Variants in GDPD4 observed in about 807,000 individuals in gnomAD.
GDPD4 encodes the protein glycerophosphodiester phosphodiesterase domain containing 4.
GDPD4 carries 60 observed loss-of-function variants against 67.8 expected under a neutral mutation model. The observed-to-expected ratio is 0.88, with a 90% CI of 0.72 to 1.10. The LOEUF is 1.10. Among genes scored for constraint, GDPD4 ranks in the 50% least tolerant of loss-of-function variants. The pLI is 0.00. For missense variants in GDPD4, 623 were observed against 613.9 expected, an observed-to-expected ratio of 1.01 and a Z score of -0.16; for synonymous variants, 212 against 210.9, an observed-to-expected ratio of 1.00 and a Z score of -0.04.
chr11:77,233,916 C>T (rs1369077750), intron 13 of GDPD4, among the ~76,000 whole-genome samples: 1 of 152,134 alleles, frequency 6.6e-6, no homozygotes, highest in Non-Finnish European at 1.5e-5. Flanking sequence ...TCCCATGGCA[C>T]TAAATGTCAG....
intron 11 of GDPD4, among the ~76,000 whole-genome samples, chr11:77,255,340 G>A (rs917130699): frequency 3.3e-5 from 5 of 152,286 alleles, no homozygotes; most frequent in Admixed American, 2.0e-4. Context: ...GCTGAGGCAG[G>A]TGGATCACCT....
rs1021003125 is a variant in GDPD4 at position 77,276,310 on chromosome 11, C to A, written c.148-90G>T. Reference sequence around the variant, plus strand: ...TTCCTATAGCTCCAAATTCCGTTCACAGTCTAGCAGTACACTCATTTCTTG... The same window carrying A: ...TTCCTATAGCTCCAAATTCCGTTCAAAGTCTAGCAGTACACTCATTTCTTG... On this transcript the variant is annotated intron_variant, in intron 4 of 16. Transcript: ENST00000315938. 7.8e-5 allele frequency: 71 copies of A among 911,378 alleles called. No homozygotes were observed. The African/African-American group carries it at 9.4e-4, about 12-fold the overall frequency. 56.5% of individuals were successfully genotyped at this position (911,378 alleles called of 1,614,324 possible). A position where few individuals can be genotyped will look rare whatever the true frequency, so the allele number is the denominator to read the frequency against.
chr11:77,262,445 G>A (rs60645397), intron 10 of GDPD4, among the ~76,000 whole-genome samples: 4,225 of 152,206 alleles, frequency 0.028, 189 homozygotes, highest in African/African-American at 0.095. Flanking sequence ...CTCTAATTAA[G>A]TATTAATCAG....
intron 3 of GDPD4, among the ~76,000 whole-genome samples, chr11:77,280,181 T>C (rs561321590): frequency 6.6e-6 from 1 of 151,910 alleles, no homozygotes; most frequent in South Asian, 2.1e-4. Flanking sequence ...GAAGATGAGC[T>C]CACAATCAGG....
intron 1 of GDPD4, among the ~76,000 whole-genome samples, chr11:77,292,197 G>C (rs1263402930): frequency 6.6e-6 from 1 of 151,444 alleles, no homozygotes; most frequent in African/African-American, 2.4e-5. Context: ...CAAAATTATA[G>C]TCAGAGATTT....
chr11:77,255,793 G>A (rs1452174198), intron 11 of GDPD4, among the ~76,000 whole-genome samples: 1 of 150,916 alleles, frequency 6.6e-6, no homozygotes, highest in African/African-American at 2.4e-5. Context: ...TTGGAACCCG[G>A]GAGGCAGAGG....
intron 4 of GDPD4, 92 bp from the exon 5 acceptor site, chr11:77,276,312 G>C: frequency 2.2e-6 from 2 of 914,416 alleles, no homozygotes; most frequent in Non-Finnish European, 3.6e-6. Context: ...TCCGTTCACA[G>C]TCTAGCAGTA....
rs1958915666 is a variant in GDPD4, at chr11:77,252,086, CAG to C, written c.864+6298_864+6299del. Among the ~76,000 whole-genome samples, 2 of 115,474 alleles carry C rather than the reference CAG, an allele frequency of 1.7e-5. 1 individual carries two copies. The highest frequency in any genetic ancestry group is 5.6e-4 in the South Asian group (2 of 3,548). The allele number at this position is 115,474 out of a possible 152,430, so 75.8% of individuals were successfully genotyped here. Reference sequence around the variant, plus strand: ...TTTTGTTTTTTTTTTTTTTTTGAGACAGAGTCTTGCTTTGTAGCCCAGGCTGG... The same window carrying C: ...TTTTGTTTTTTTTTTTTTTTTGAGACAGTCTTGCTTTGTAGCCCAGGCTGG... On this transcript the variant is annotated intron_variant, in intron 11 of 16. Transcript: ENST00000315938.
intron 5 of GDPD4, among the ~76,000 whole-genome samples, chr11:77,273,475 C>G (rs1959311240): frequency 6.6e-6 from 1 of 152,100 alleles, no homozygotes; most frequent in Non-Finnish European, 1.5e-5. Context: ...CAGAATGCCT[C>G]AGAAGATGAA....
At chr11:77,228,273 C>T (rs1440080428) in intron 15 of GDPD4, among the ~76,000 whole-genome samples, 1 of 151,788 alleles carries the variant, frequency 6.6e-6, no homozygotes, top group Non-Finnish European at 1.5e-5. Context: ...CCGAGGCGGG[C>T]AGATCACAAG....
At chr11:77,218,610 A>G (rs1022809696) in intron 16 of GDPD4, among the ~76,000 whole-genome samples, 9 of 152,136 alleles carry the variant, frequency 5.9e-5, no homozygotes, top group East Asian at 1.9e-4. Flanking sequence ...TCATTGTTCA[A>G]TTCCCTCCTA....
chr11:77,234,044 T>C (rs1342461220), intron 13 of GDPD4, among the ~76,000 whole-genome samples: 3 of 152,120 alleles, frequency 2.0e-5, no homozygotes, highest in Non-Finnish European at 2.9e-5. Context: ...ACCATGTAAA[T>C]GCCTTCAAAA....
At chr11:77,273,080 G>A (rs1191427746) in intron 5 of GDPD4, among the ~76,000 whole-genome samples, 2 of 152,034 alleles carry the variant, frequency 1.3e-5, no homozygotes, top group Non-Finnish European at 2.9e-5. Context: ...GGTATATCCT[G>A]CTAGAAATTT....
intron 11 of GDPD4, 89 bp downstream of exon 11, chr11:77,258,297 C>CGG: frequency 1.9e-6 from 2 of 1,033,726 alleles, no homozygotes; most frequent in Non-Finnish European, 3.0e-6. Context: ...ACTTGCCTAT[C>CGG]TTCATCTATG....
chr11:77,261,714 T>G (rs774566585), intron 10 of GDPD4, among the ~76,000 whole-genome samples: 10 of 152,232 alleles, frequency 6.6e-5, no homozygotes, highest in Non-Finnish European at 1.5e-4. Context: ...AATAGAAGAC[T>G]GGTTTACGGG....
At chr11:77,220,446 G>A (rs1958205428) in intron 16 of GDPD4, among the ~76,000 whole-genome samples, 1 of 152,194 alleles carries the variant, frequency 6.6e-6, no homozygotes, top group South Asian at 2.1e-4. Context: ...GGCCTTTTCT[G>A]CATCTATTGA....
intron 9 of GDPD4, 127 bp downstream of exon 9, chr11:77,268,797 C>CT: frequency 3.0e-6 from 3 of 1,007,714 alleles, no homozygotes; most frequent in Non-Finnish European, 3.0e-6. Flanking sequence ...ACAATGAACT[C>CT]TTTATTCTTG....
At chr11:77,249,803 G>A (rs1209928023) in intron 11 of GDPD4, among the ~76,000 whole-genome samples, 2 of 152,048 alleles carry the variant, frequency 1.3e-5, no homozygotes, top group Non-Finnish European at 2.9e-5. Context: ...TTTTGATGTA[G>A]GCATTTATTG....
chr11:77,264,717 AAACAAAGGGGAG>A (rs752650652), intron 10 of GDPD4, among the ~76,000 whole-genome samples: 2 of 152,174 alleles, frequency 1.3e-5, no homozygotes, highest in Non-Finnish European at 2.9e-5. Flanking sequence ...AAGTTATCCA[AAACAAAGGGGAG>A]AACTGAGAGA....
Sources: allele counts gnomAD v4.1 joint callset (sites outside exome capture counted in the v4.1 genomes callset), GRCh38; gene constraint gnomAD v4.1.1; transcripts MANE v1.5; gene names NCBI Gene and HGNC (gene_info 2026-07-23, HGNC 2026-07-21).